Variants in MRPL48 observed in about 807,000 individuals in gnomAD.
The protein encoded by MRPL48 is large ribosomal subunit protein mL48.
MRPL48 carries 16 observed loss-of-function variants against 32.9 expected under a neutral mutation model. That is an observed-to-expected ratio of 0.49 (90% CI 0.33 to 0.74). MRPL48 has a LOEUF of 0.74. MRPL48 is among the 30% of genes least tolerant of loss of function. The pLI, the probability that MRPL48 is intolerant of heterozygous loss-of-function variation, is 0.02. For missense variants in MRPL48, 206 were observed against 245.3 expected (o/e 0.84, Z 1.07); for synonymous variants, 94 against 89.2 (o/e 1.05, Z -0.31).
At chr11:73,797,518 T>G (rs1947277855) in intron 1 of MRPL48, among the ~76,000 whole-genome samples, 1 of 152,146 alleles carries the variant, frequency 6.6e-6, no homozygotes, top group Admixed American at 6.5e-5. Flanking sequence ...TCTCCAAGCT[T>G]CTGAGCGCCA....
chr11:73,800,904 C>T (rs780762915), intron 1 of MRPL48, among the ~76,000 whole-genome samples: 4 of 151,568 alleles, frequency 2.6e-5, no homozygotes, highest in South Asian at 2.1e-4. Context: ...CTCCGCCTCC[C>T]GGGTTCAAGC....
intron 4 of MRPL48, 104 bp downstream of exon 4, chr11:73,825,900 T>A: frequency 1.0e-6 from 1 of 985,528 alleles, no homozygotes; most frequent in Non-Finnish European, 1.4e-6. Flanking sequence ...CTAGAAATGA[T>A]AAAGTTGCCT....
intron 3 of MRPL48, chr11:73,818,075 G>A (rs1244020532): frequency 6.5e-6 from 1 of 152,800 alleles, no homozygotes. Context: ...AGCCTCCAAA[G>A]TGTTGGGATT....
chr11:73,863,992 G>T (rs1275183368), intron 7 of MRPL48, among the ~76,000 whole-genome samples: 1 of 151,862 alleles, frequency 6.6e-6, no homozygotes, highest in Non-Finnish European at 1.5e-5. Context: ...AAATAATTTT[G>T]GTATTCTCTC....
intron 4 of MRPL48, among the ~76,000 whole-genome samples, chr11:73,843,767 G>A (rs1437323630): frequency 1.3e-5 from 2 of 151,504 alleles, no homozygotes; most frequent in Non-Finnish European, 2.9e-5. Context: ...ACATGTACAC[G>A]TAAAATTTTG....
At chr11:73,821,420 A>T (rs536264636) in intron 3 of MRPL48, among the ~76,000 whole-genome samples, 1 of 152,156 alleles carries the variant, frequency 6.6e-6, no homozygotes, top group Non-Finnish European at 1.5e-5. Flanking sequence ...GGTGTCTGGG[A>T]TATCATTAGT....
chr11:73,835,394 C>A (rs1473703085), intron 4 of MRPL48, among the ~76,000 whole-genome samples: 1 of 152,104 alleles, frequency 6.6e-6, no homozygotes, highest in Non-Finnish European at 1.5e-5. Context: ...CCTGCCTCGG[C>A]CTCCCAAAGT....
At chr11:73,832,136 A>G (rs1948008342) in intron 4 of MRPL48, among the ~76,000 whole-genome samples, 1 of 152,152 alleles carries the variant, frequency 6.6e-6, no homozygotes, top group Admixed American at 6.6e-5. Flanking sequence ...GGCAACATGA[A>G]TTTCTGTCAC....
At chr11:73,791,671 G>A (rs539968622) in intron 1 of MRPL48, among the ~76,000 whole-genome samples, 131 of 152,072 alleles carry the variant, frequency 8.6e-4, no homozygotes, top group Middle Eastern at 3.4e-3. Context: ...TGCCCGCCTC[G>A]GCCTCCCAAA....
At chr11:73,826,774 CTTTTTTTT>C (rs71065041) in intron 4 of MRPL48, among the ~76,000 whole-genome samples, 4 of 108,928 alleles carry the variant, frequency 3.7e-5, no homozygotes, top group Admixed American at 9.9e-5. Context: ...ACTGTATTTT[CTTTTTTTT>C]TTTTTTTTTT....
chr11:73,831,242 G>A (rs1947987838), intron 4 of MRPL48, among the ~76,000 whole-genome samples: 1 of 152,092 alleles, frequency 6.6e-6, no homozygotes, highest in Non-Finnish European at 1.5e-5. Flanking sequence ...GGGAGTAGAT[G>A]AGAGATAAAA....
intron 5 of MRPL48, among the ~76,000 whole-genome samples, chr11:73,852,681 A>G (rs1190886061): frequency 6.6e-6 from 1 of 152,206 alleles, no homozygotes; most frequent in Non-Finnish European, 1.5e-5. Flanking sequence ...TATGGAGAAC[A>G]GTTTGGAAGT....
Position 73,862,210 on chromosome 11 carries a change from G to T in MRPL48, c.475-962G>T, listed in dbSNP as rs138470698. On this transcript the variant is annotated intron_variant, in intron 6 of 7. Coordinates refer to ENST00000310614, the MANE Select transcript of MRPL48 (RefSeq NM_016055.6). ...GGCCGAGGTGGGCGGATCACCTGAG[G>T]TTGGGAGTTTGAGACCAGCCTCACC... is the stretch of plus-strand genomic sequence containing the variant. Among the ~76,000 whole-genome samples, 7 of 152,274 alleles carry T rather than the reference G, an allele frequency of 4.6e-5. No individual in the cohort carries two copies. In the East Asian group the frequency reaches 1.4e-3, roughly 29 times the overall value.
intron 1 of MRPL48, among the ~76,000 whole-genome samples, chr11:73,788,472 C>CTTTTTTTTT (rs11352308): frequency 9.0e-4 from 99 of 109,522 alleles, no homozygotes; most frequent in East Asian, 1.2e-3. Flanking sequence ...TCTTTTCTTT[C>CTTTTTTTTT]TTTTTTTTTT....
At chr11:73,788,130 C>T in intron 1 of MRPL48, 138 bp downstream of exon 1, 1 of 1,288,738 alleles carries the variant, frequency 7.8e-7, no homozygotes, top group East Asian at 2.6e-5. Flanking sequence ...CAAGGTCCTT[C>T]CCAGCAGCAC....
At chr11:73,829,838 C>T (rs1269618155) in intron 4 of MRPL48, among the ~76,000 whole-genome samples, 1 of 152,216 alleles carries the variant, frequency 6.6e-6, no homozygotes, top group East Asian at 1.9e-4. Flanking sequence ...AATCTCAGCT[C>T]ACTGCAACCT....
At chr11:73,816,295 T>C (rs1947670337) in intron 3 of MRPL48, among the ~76,000 whole-genome samples, 1 of 143,034 alleles carries the variant, frequency 7.0e-6, no homozygotes, top group Non-Finnish European at 1.5e-5. Context: ...TCTCCTGACC[T>C]CGTGATCCGC....
chr11:73,816,819 TTTTG>T (rs1029829345), intron 3 of MRPL48, among the ~76,000 whole-genome samples: 2 of 151,052 alleles, frequency 1.3e-5, no homozygotes, highest in African/African-American at 2.4e-5. Context: ...TTTTTGTTTA[TTTTG>T]TTTATTATTT....
At chr11:73,794,399 T>C (rs992513079) in intron 1 of MRPL48, among the ~76,000 whole-genome samples, 4 of 150,366 alleles carry the variant, frequency 2.7e-5, no homozygotes, top group African/African-American at 9.8e-5. Context: ...CTACTAAAAA[T>C]ACAAAATTAG....
Sources: gnomAD v4.1 joint callset for allele counts (sites outside exome capture counted in the v4.1 genomes callset) on GRCh38, gnomAD v4.1.1 for gene constraint, MANE v1.5 for transcripts, NCBI Gene and HGNC (gene_info 2026-07-23, HGNC 2026-07-21) for gene names.